Variants in CELSR3 observed in about 807,000 individuals in gnomAD.
CELSR3 encodes the protein cadherin EGF LAG seven-pass G-type receptor 3.
CELSR3 carries 73 observed loss-of-function variants against 270.0 expected under a neutral mutation model. The observed-to-expected ratio is 0.27, with a 90% CI of 0.22 to 0.33. The LOEUF (loss-of-function observed/expected upper bound fraction) is 0.33. Among genes scored for constraint, CELSR3 ranks in the 10% least tolerant of loss-of-function variants. CELSR3 has a pLI of 1.00. For synonymous variants in CELSR3, 1,780 were observed against 1,905.4 expected, an observed-to-expected ratio of 0.93 and a Z score of 1.71; for missense variants, 3,614 against 4,533.8, an observed-to-expected ratio of 0.80 and a Z score of 5.83.
intron 2 of CELSR3, 69 bp from the exon 3 acceptor site, chr3:48,656,434 C>T: frequency 7.4e-7 from 1 of 1,342,494 alleles, no homozygotes; most frequent in Non-Finnish European, 9.6e-7. Flanking sequence ...CTTCAAAGAC[C>T]GCGCGCCCAG....
Position 48,655,958 on chromosome 3 carries a change from G to A in CELSR3, c.4626-107C>T, listed in dbSNP as rs935126316. 7.7e-6 allele frequency: 9 copies of A among 1,167,420 alleles called. No homozygotes were observed. In the African/African-American group the frequency reaches 1.4e-4, roughly 18 times the overall value. 72.3% of individuals were successfully genotyped at this position (1,167,420 alleles called of 1,614,324 possible). On this transcript the variant is annotated intron_variant, in intron 3 of 34. Transcript: ENST00000164024. The surrounding 1 kb of genome is among the most constrained non-coding windows in gnomAD (Gnocchi z 5.8). ...AAGGGGCTGGGGCGAGAGAGGAAGC[G>A]ACGAGGGACGGCGGGACCGACCGGG...
Position 48,650,964 on chromosome 3 carries a change from G to T in CELSR3, c.6298C>A (p.Pro2100Thr). Residue 2100 changes from proline to threonine, a missense_variant, in exon 15 of 35, where the codon CCA becomes ACA. Transcript: ENST00000164024. The surrounding 1 kb of genome is among the most constrained non-coding windows in gnomAD (Gnocchi z 5.1). ...APHSGQCPCR[P>T]GALGRQCNSC... is the part of the protein sequence containing the mutation. ...TTGCACTGGCGGCCAAGGGCTCCTG[G>T]GCGACAGGGGCACTGCCCGCTGTGG... 6.2e-7 allele frequency: 1 copy of T among 1,611,880 alleles called. No homozygotes were observed. Among genetic ancestry groups the T allele is most frequent in the Non-Finnish European group, 8.5e-7 (1 of 1,179,790 alleles).
In CELSR3 at chr3:48,637,280, A is replaced by G. The variant is rs1001568676; in HGVS notation, c.*925T>C. On this transcript the variant is annotated 3_prime_UTR_variant, in exon 35 of 35. Coordinates refer to ENST00000164024, the MANE Select transcript of CELSR3 (RefSeq NM_001407.3). ...TCCTGTAAACATAGGAGGCAGTGGCACCTACATTCTGGGTCTTGAATTCCC... is the reference window on the plus strand; with the variant it reads ...TCCTGTAAACATAGGAGGCAGTGGCGCCTACATTCTGGGTCTTGAATTCCC... 2 of 152,600 alleles carry G rather than the reference A, an allele frequency of 1.3e-5. No homozygotes were observed. The highest frequency in any genetic ancestry group is 2.9e-5 in the Non-Finnish European group (2 of 68,030). The allele number at this position is 152,600 out of a possible 1,614,324, so 9.5% of individuals were successfully genotyped here. A position where few individuals can be genotyped will look rare whatever the true frequency, so the allele number is the denominator to read the frequency against.
Position 48,661,234 on chromosome 3 carries a change from G to A in CELSR3, c.1401C>T (p.Asn467=), listed in dbSNP as rs375384895. 3 of 1,607,214 alleles carry A rather than the reference G, an allele frequency of 1.9e-6. No homozygotes were observed. The highest frequency in any genetic ancestry group is 2.6e-6 in the Non-Finnish European group (3 of 1,176,324). Residue 467 remains asparagine (N), a synonymous_variant, in exon 1 of 35, where the codon AAC becomes AAT. Transcript: ENST00000164024. The part of the protein sequence containing the change: ...ATDGDAPPNA[N]LRYRFVGPPA... ...GCGGCCCCACGAAGCGGTAGCGCAG[G>A]TTGGCGTTGGGGGGCGCGTCGCCGT...
chr3:48,638,022 C>T lies in CELSR3; in HGVS notation c.*183G>A. 1.7e-6 allele frequency: 1 copy of T among 588,488 alleles called. No homozygotes were observed. The highest frequency in any genetic ancestry group is 3.1e-6 in the Non-Finnish European group (1 of 320,126). 36.5% of individuals were successfully genotyped at this position (588,488 alleles called of 1,614,324 possible). On this transcript the variant is annotated 3_prime_UTR_variant, in exon 35 of 35. Coordinates refer to ENST00000164024, the MANE Select transcript of CELSR3 (RefSeq NM_001407.3). ...CTCCCTCCAGTCCCCCGTCTCTGCACCTGTCACACGCATGCTCACAGATGC... is the reference window on the plus strand; with the variant it reads ...CTCCCTCCAGTCCCCCGTCTCTGCATCTGTCACACGCATGCTCACAGATGC...
Position 48,662,163 on chromosome 3 carries a change from G to A in CELSR3, c.472C>T (p.Leu158=), listed in dbSNP as rs1350777358. 1.9e-6 allele frequency: 3 copies of A among 1,612,678 alleles called. No individual in the cohort carries two copies. Among genetic ancestry groups the A allele is most frequent in the Non-Finnish European group, 1.7e-6 (2 of 1,179,420 alleles). The change falls in exon 1 of 35, where the codon CTG becomes TTG. Residue 158 remains leucine, a synonymous_variant. Coordinates refer to ENST00000164024, the MANE Select transcript of CELSR3 (RefSeq NM_001407.3). The surrounding 1 kb of genome is among the most constrained non-coding windows in gnomAD (Gnocchi z 7.1). ...CCCGAGCCCGGGACCCCTGAGGACAGAGCCCCTGGTGACAGACTACCTCTT... is the reference window on the plus strand; with the variant it reads ...CCCGAGCCCGGGACCCCTGAGGACAAAGCCCCTGGTGACAGACTACCTCTT... The part of the protein sequence containing the change: ...LQRGSLSPGA[L]SSGVPGSGNS...
rs2047069047 is a variant in CELSR3, at chr3:48,645,200, T to G, written c.7807A>C (p.Thr2603Pro). 1 of 1,575,188 alleles carries G rather than the reference T, an allele frequency of 6.3e-7. No homozygotes were observed. Among genetic ancestry groups the G allele is most frequent in the Non-Finnish European group, 8.7e-7 (1 of 1,153,786 alleles). The change falls in exon 25 of 35, where the codon ACT becomes CCT. Residue 2603 changes from threonine to proline, a missense_variant. Thr to Pro is a conservative substitution (Grantham distance 38). Transcript: ENST00000164024. This position sits in a 1 kb window ranked among gnomAD's most constrained non-coding sequence, Gnocchi z 5.4. ...TAGTGCAGGAGGATGGCGACTGCAG[T>G]GCACACCAGCTGAGGGCAGGGGGGC... ...IHRTHNQLVC[T>P]AVAILLHYFF...
In CELSR3 at chr3:48,645,881, G is replaced by A. The variant is rs771674841; in HGVS notation, c.7464-13C>T. The A allele has an allele frequency of 1.9e-6, 3 of 1,590,704 alleles. No homozygotes were observed. Among genetic ancestry groups the A allele is most frequent in the Admixed American group, 1.7e-5 (1 of 59,504 alleles). ...ATGCTGCTCCGCCCTGCAGCCACAG[G>A]GCAGTTAGACACAACTGTGACCCAG... On this transcript the variant is annotated splice_polypyrimidine_tract_variant and intron_variant, in intron 22 of 34. Transcript: ENST00000164024. The surrounding 1 kb of genome is among the most constrained non-coding windows in gnomAD (Gnocchi z 5.4).
intron 19 of CELSR3, 28 bp downstream of exon 19, chr3:48,648,238 G>GGCCCCCCCCC: frequency 1.1e-5 from 15 of 1,342,606 alleles, no homozygotes; most frequent in East Asian, 2.3e-5. Flanking sequence ...CCCCTGCTGT[G>GGCCCCCCCCC]CCCCGCCCTA....
Position 48,650,494 on chromosome 3 carries a change from G to A in CELSR3, c.6458C>T (p.Pro2153Leu). Reference sequence around the variant, plus strand: ...CACATACTCACCCAGGGCCCCCCGGGGACAGGGCACTGTGGCCAGGACGCC... The same window carrying A: ...CACATACTCACCCAGGGCCCCCCGGAGACAGGGCACTGTGGCCAGGACGCC... ...KFGVLATVPCPRGALGAAVRL... is the reference protein window; with the variant it reads ...KFGVLATVPCLRGALGAAVRL... Residue 2153 changes from proline (P) to leucine (L), a missense_variant, in exon 16 of 35, where the codon CCC becomes CTC. Pro to Leu is a moderately conservative substitution (Grantham distance 98, BLOSUM62 -3). Around this residue, in one of 7 missense-constraint regions of CELSR3, gnomAD observed 1,331 missense variants for 1,933.7 expected, o/e 0.69. Coordinates refer to ENST00000164024, the MANE Select transcript of CELSR3 (RefSeq NM_001407.3). This position sits in a 1 kb window ranked among gnomAD's most constrained non-coding sequence, Gnocchi z 5.1. 6.2e-7 allele frequency: 1 copy of A among 1,606,906 alleles called. No individual in the cohort carries two copies. The highest frequency in any genetic ancestry group is 1.4e-5 in the African/African-American group (1 of 73,592).
chr3:48,641,276 G>T lies in CELSR3; in HGVS notation c.9025+48C>A. 1 of 1,254,948 alleles carries T rather than the reference G, an allele frequency of 8.0e-7. No individual in the cohort carries two copies. Among genetic ancestry groups the T allele is most frequent in the Non-Finnish European group, 1.2e-6 (1 of 859,074 alleles). The allele number at this position is 1,254,948 out of a possible 1,614,324, so 77.7% of individuals were successfully genotyped here. A position where few individuals can be genotyped will look rare whatever the true frequency, so the allele number is the denominator to read the frequency against. On this transcript the variant is annotated intron_variant, in intron 33 of 34. Coordinates refer to ENST00000164024, the MANE Select transcript of CELSR3 (RefSeq NM_001407.3). The surrounding 1 kb of genome is among the most constrained non-coding windows in gnomAD (Gnocchi z 4.8). The stretch of plus-strand genomic sequence containing the variant: ...TGCAATCCCTTGGCTCAGGGCATGA[G>T]CAGCCCCCAGCGTGTCTGCGGTGTG...
rs1362878237 is a variant in CELSR3, at chr3:48,655,403, G to A, written c.4742-9C>T. On this transcript the variant is annotated splice_polypyrimidine_tract_variant and intron_variant, in intron 4 of 34. Transcript: ENST00000164024. This position sits in a 1 kb window ranked among gnomAD's most constrained non-coding sequence, Gnocchi z 5.8. ...CACGGTGTTGGATTCACCTGGAGGGGAGATGCATGTGGAATCATCAGGAGC... is the reference window on the plus strand; with the variant it reads ...CACGGTGTTGGATTCACCTGGAGGGAAGATGCATGTGGAATCATCAGGAGC... 8.1e-6 allele frequency: 13 copies of A among 1,613,830 alleles called. No homozygotes were observed. The highest frequency in any genetic ancestry group is 1.1e-5 in the Non-Finnish European group (13 of 1,179,858).
At position 48,659,035 on chromosome 3, in the gene CELSR3, G is replaced by A. The variant is rs765055778; in HGVS notation, c.3600C>T (p.Pro1200=). Residue 1200 remains proline, a synonymous_variant, in exon 1 of 35, where the codon CCC becomes CCT. Transcript: ENST00000164024. This position sits in a 1 kb window ranked among gnomAD's most constrained non-coding sequence, Gnocchi z 8.1. ...AGTAGAAGAGGTGGTCGGAGACATC[G>A]GGGTCATAAGCTGGGATGCGCCCAA... ...GIIGRIPAYD[P]DVSDHLFYSF... The A allele has an allele frequency of 1.1e-4, 182 of 1,613,676 alleles. No individual in the cohort carries two copies. The highest frequency in any genetic ancestry group is 8.5e-4 in the South Asian group (77 of 91,082).
At position 48,659,247 on chromosome 3, in the gene CELSR3, G is replaced by A; in HGVS notation, c.3388C>T (p.Leu1130=). The change falls in exon 1 of 35, where the codon CTA becomes TTA. Residue 1130 remains leucine (L), a synonymous_variant. Coordinates refer to ENST00000164024, the MANE Select transcript of CELSR3 (RefSeq NM_001407.3). This position sits in a 1 kb window ranked among gnomAD's most constrained non-coding sequence, Gnocchi z 8.1. ...TATTCTTGGCGAGCCTCATAGTCTA[G>A]GTCAATGAGTGCCGTCAGTTCTCCA... ...FSGELTALID[L]DYEARQEYVI... 6.2e-7 allele frequency: 1 copy of A among 1,614,146 alleles called. No individual in the cohort carries two copies. The highest frequency in any genetic ancestry group is 8.5e-7 in the Non-Finnish European group (1 of 1,180,032).
Position 48,648,380 on chromosome 3 carries a change from C to T in CELSR3, c.6859G>A (p.Gly2287Ser). The T allele has an allele frequency of 6.2e-7, 1 of 1,611,510 alleles. No homozygotes were observed. The highest frequency in any genetic ancestry group is 8.5e-7 in the Non-Finnish European group (1 of 1,179,488). ...ACCAGTCCCGCGCTGCCTGGGGAGC[C>T]CCCAGGGGCCCGCTGCCCCAGCGCC... is the stretch of plus-strand genomic sequence containing the variant. ...WAALGQRAPG[G>S]SPGSAGLVRH... The change falls in exon 19 of 35, where the codon GGC becomes AGC. Residue 2287 changes from glycine to serine, a missense_variant. Gly to Ser is a moderately conservative substitution (Grantham distance 56, BLOSUM62 0). This residue lies in a region of CELSR3 where 1,331 missense variants were observed against 1,933.7 expected (regional missense o/e 0.69). Coordinates refer to ENST00000164024, the MANE Select transcript of CELSR3 (RefSeq NM_001407.3).
chr3:48,646,151 G>C lies in CELSR3; in HGVS notation c.7402C>G (p.Arg2468Gly), dbSNP rs745667547. The change falls in exon 22 of 35, where the codon CGC becomes GGC. Residue 2468 changes from arginine (R) to glycine (G), a missense_variant. By Grantham distance (125) the Arg-to-Gly change is moderately radical. Transcript: ENST00000164024. The surrounding 1 kb of genome is among the most constrained non-coding windows in gnomAD (Gnocchi z 4.8). ...ILESPISLEF[R>G]LLQTANRSKA... ...CTCCGATTCGCTGTCTGTAGCAGGC[G>C]AAACTCTAGGCTGATGGGGGACTCC... 2 of 1,612,888 alleles carry C rather than the reference G, an allele frequency of 1.2e-6. No homozygotes were observed. The highest frequency in any genetic ancestry group is 1.7e-6 in the Non-Finnish European group (2 of 1,179,954).
chr3:48,642,266 A>C lies in CELSR3; in HGVS notation c.8665+92T>G, dbSNP rs2047034291. ...ACCCTGGGGGAGATCGTCCCACCCC[A>C]GTCAGCCACTGCTCCCAGTATGGGG... On this transcript the variant is annotated intron_variant, in intron 31 of 34. Coordinates refer to ENST00000164024, the MANE Select transcript of CELSR3 (RefSeq NM_001407.3). The surrounding 1 kb of genome is among the most constrained non-coding windows in gnomAD (Gnocchi z 6.1). 3 of 1,357,458 alleles carry C rather than the reference A, an allele frequency of 2.2e-6. No homozygotes were observed. The highest frequency in any genetic ancestry group is 1.5e-5 in the African/African-American group (1 of 68,886). The allele number at this position is 1,357,458 out of a possible 1,614,324, so 84.1% of individuals were successfully genotyped here. A position where few individuals can be genotyped will look rare whatever the true frequency, so the allele number is the denominator to read the frequency against.
In CELSR3 at chr3:48,662,630, A is replaced by C. The variant is rs2077078258; in HGVS notation, c.5T>G (p.Met2Arg). Residue 2 changes from methionine to arginine, a missense_variant, in exon 1 of 35, where the codon ATG becomes AGG. By Grantham distance (91) the Met-to-Arg change is moderately conservative. Around this residue, in one of 7 missense-constraint regions of CELSR3, gnomAD observed 470 missense variants for 469.7 expected, o/e 1.00. Coordinates refer to ENST00000164024, the MANE Select transcript of CELSR3 (RefSeq NM_001407.3). The surrounding 1 kb of genome is among the most constrained non-coding windows in gnomAD (Gnocchi z 7.1). M[M>R]ARRPPWRGLG... is the part of the protein sequence containing the mutation. ...GCCCCGCCACGGCGGCCGCCTCGCC[A>C]TCATCCCCCGCCTCCCTGCACGGCC... 2.2e-6 allele frequency: 3 copies of C among 1,389,232 alleles called. No homozygotes were observed. The highest frequency in any genetic ancestry group is 2.9e-6 in the Non-Finnish European group (3 of 1,046,134). 86.1% of individuals were successfully genotyped at this position (1,389,232 alleles called of 1,614,324 possible). A position where few individuals can be genotyped will look rare whatever the true frequency, so the allele number is the denominator to read the frequency against.
chr3:48,643,373 A>C lies in CELSR3; in HGVS notation c.8289+181T>G. The C allele has an allele frequency of 4.8e-6, 4 of 836,980 alleles. No homozygotes were observed. The South Asian group carries it at 7.3e-5, about 15-fold the overall frequency. The allele number at this position is 836,980 out of a possible 1,614,324, so 51.8% of individuals were successfully genotyped here. The stretch of plus-strand genomic sequence containing the variant: ...AGTCTGGGATCAGTGCCTAAGTTAG[A>C]GTCAGCTCCAGGCCTGGGGGCAGCA... On this transcript the variant is annotated intron_variant, in intron 28 of 34. Coordinates refer to ENST00000164024, the MANE Select transcript of CELSR3 (RefSeq NM_001407.3).
Sources: allele counts gnomAD v4.1 joint callset, GRCh38; gene constraint gnomAD v4.1.1; regional missense constraint gnomAD v4.1.1; non-coding constraint Gnocchi (gnomAD v3.1); transcripts MANE v1.5; gene names NCBI Gene and HGNC (gene_info 2026-07-23, HGNC 2026-07-21).